GSK3B: variants seen among roughly 807,000 people sequenced by gnomAD.
GSK3B encodes the protein glycogen synthase kinase-3 beta.
In GSK3B, 15 loss-of-function variants were observed where a neutral mutation model predicts 56.4. The ratio of observed to expected loss-of-function variants is 0.27; its 90% confidence interval spans 0.18 to 0.41. The LOEUF is 0.41. GSK3B is among the 10% of genes least tolerant of loss of function. The probability of loss-of-function intolerance (pLI) is 1.00; values close to 1 mark genes in which losing one functional copy is unlikely to be tolerated. For synonymous variants in GSK3B, 181 were observed against 188.9 expected (o/e 0.96, Z 0.34); for missense variants, 300 against 513.4 (o/e 0.58, Z 4.02).
At chr3:119,961,550 C>T (rs1203368740) in intron 2 of GSK3B, among the ~76,000 whole-genome samples, 2 of 151,206 alleles carry the variant, frequency 1.3e-5, no homozygotes, top group African/African-American at 2.4e-5. Context: ...ATCGCTTGAA[C>T]CCAAAAGGCA....
At chr3:119,975,728 A>C (rs1297312639) in intron 2 of GSK3B, among the ~76,000 whole-genome samples, 1 of 152,232 alleles carries the variant, frequency 6.6e-6, no homozygotes, top group Non-Finnish European at 1.5e-5. Flanking sequence ...TGTACAACAC[A>C]AAGAGTGAAC....
At chr3:120,008,837 A>G (rs936647616) in intron 1 of GSK3B, among the ~76,000 whole-genome samples, 2 of 152,260 alleles carry the variant, frequency 1.3e-5, no homozygotes, top group African/African-American at 4.8e-5. Context: ...AGCAATGGCA[A>G]CAAAAGCCAA....
intron 2 of GSK3B, among the ~76,000 whole-genome samples, chr3:119,994,355 G>T (rs2057595213): frequency 6.6e-6 from 1 of 151,978 alleles, no homozygotes; most frequent in Non-Finnish European, 1.5e-5. Context: ...AAGAAAAAAA[G>T]AATTAGAAAA....
chr3:119,886,051 T>TA (rs2056432533), intron 7 of GSK3B, among the ~76,000 whole-genome samples: 1 of 151,552 alleles, frequency 6.6e-6, no homozygotes, highest in African/African-American at 2.4e-5. Context: ...TGGTGAGAAC[T>TA]AATTAAAGAG....
At chr3:120,032,595 CT>C (rs1205566195) in intron 1 of GSK3B, among the ~76,000 whole-genome samples, 3 of 152,200 alleles carry the variant, frequency 2.0e-5, no homozygotes, top group African/African-American at 7.2e-5. Context: ...AGGAGGATCA[CT>C]GGCGCCCAAG....
intron 1 of GSK3B, among the ~76,000 whole-genome samples, chr3:120,044,841 A>G (rs764712745): frequency 6.6e-6 from 1 of 152,252 alleles, no homozygotes; most frequent in Non-Finnish European, 1.5e-5. Flanking sequence ...TGAAAACTCA[A>G]TATTGTACCT....
intron 10 of GSK3B, among the ~76,000 whole-genome samples, chr3:119,838,168 A>T (rs781103827): frequency 3.6e-4 from 55 of 152,002 alleles, no homozygotes; most frequent in Non-Finnish European, 5.3e-4. Context: ...GCGCGCCTGT[A>T]ATCCGAGCTA....
At chr3:119,993,900 G>A (rs1432155704) in intron 2 of GSK3B, among the ~76,000 whole-genome samples, 2 of 152,112 alleles carry the variant, frequency 1.3e-5, no homozygotes, top group Non-Finnish European at 2.9e-5. Flanking sequence ...TTTTTTTTGA[G>A]ACAGAGTCTT....
intron 7 of GSK3B, among the ~76,000 whole-genome samples, chr3:119,880,057 G>A (rs2056362872): frequency 1.3e-5 from 2 of 152,040 alleles, no homozygotes; most frequent in Non-Finnish European, 2.9e-5. Context: ...GTTCTCCATG[G>A]AAGCAGTACT....
At chr3:119,857,978 G>A (rs1198662119) in intron 9 of GSK3B, among the ~76,000 whole-genome samples, 1 of 152,138 alleles carries the variant, frequency 6.6e-6, no homozygotes, top group Non-Finnish European at 1.5e-5. Context: ...GTAACATTTT[G>A]AAAGAATCTT....
At chr3:119,967,270 G>A (rs1397861259) in intron 2 of GSK3B, among the ~76,000 whole-genome samples, 2 of 152,136 alleles carry the variant, frequency 1.3e-5, no homozygotes, top group African/African-American at 4.8e-5. Context: ...TAGAGACGGA[G>A]TTTCACTATG....
intron 2 of GSK3B, among the ~76,000 whole-genome samples, chr3:119,949,793 CAAAAAAAAAAAA>C (rs927567102): frequency 1.6e-5 from 1 of 62,318 alleles, no homozygotes; most frequent in Non-Finnish European, 3.5e-5. Context: ...GACTCCGTCT[CAAAAAAAAAAAA>C]AAAAAAAAAG....
chr3:119,898,100 CTTA>C (rs1348525914), intron 7 of GSK3B, among the ~76,000 whole-genome samples: 1 of 152,130 alleles, frequency 6.6e-6, no homozygotes, highest in African/African-American at 2.4e-5. Flanking sequence ...CTAGACTACC[CTTA>C]AATGTGCTCA....
intron 2 of GSK3B, among the ~76,000 whole-genome samples, chr3:119,950,154 TA>T (rs1332206795): frequency 3.3e-5 from 5 of 152,184 alleles, no homozygotes; most frequent in Non-Finnish European, 7.3e-5. Flanking sequence ...GAAGCCACGT[TA>T]AAAAATTTTT....
At chr3:120,074,300 TA>T (rs569240290) in intron 1 of GSK3B, among the ~76,000 whole-genome samples, 124 of 128,384 alleles carry the variant, frequency 9.7e-4, no homozygotes, top group Admixed American at 9.7e-4. Flanking sequence ...GCCCTGTCTC[TA>T]AAAAAAAAAA....
chr3:119,965,929 A>G (rs2057314917), intron 2 of GSK3B, among the ~76,000 whole-genome samples: 3 of 152,140 alleles, frequency 2.0e-5, no homozygotes. Context: ...AACAGTTACT[A>G]TGTTTATAAA....
intron 7 of GSK3B, among the ~76,000 whole-genome samples, chr3:119,890,760 A>G (rs1247247985): frequency 4.8e-5 from 7 of 144,630 alleles, no homozygotes; most frequent in South Asian, 2.2e-4. Flanking sequence ...AAAAAAAAAA[A>G]GGGACCATTA....
At chr3:120,039,810 T>TA (rs900084262) in intron 1 of GSK3B, among the ~76,000 whole-genome samples, 4 of 152,200 alleles carry the variant, frequency 2.6e-5, no homozygotes, top group African/African-American at 7.2e-5. Context: ...ATCTGCAAGA[T>TA]ACACCCTTCT....
chr3:119,857,229 A>C (rs1425254230), intron 9 of GSK3B, among the ~76,000 whole-genome samples: 1 of 152,176 alleles, frequency 6.6e-6, no homozygotes, highest in Non-Finnish European at 1.5e-5. Context: ...AAAACAAAAC[A>C]ACCATGAAGT....
Sources: gnomAD v4.1 joint callset for allele counts (sites outside exome capture counted in the v4.1 genomes callset) on GRCh38, gnomAD v4.1.1 for gene constraint, MANE v1.5 for transcripts, NCBI Gene and HGNC (gene_info 2026-07-23, HGNC 2026-07-21) for gene names.